The following SELP variants were observed in gnomAD, a reference collection of about 807,000 sequenced individuals.
SELP encodes the protein selectin P.
A neutral mutation model predicts 104.1 loss-of-function variants in SELP; 92 were observed. The observed-to-expected ratio is 0.88, with a 90% CI of 0.75 to 1.05. The LOEUF is 1.05. Ranked by LOEUF, SELP falls within the 50% of genes least tolerant of loss-of-function variation. The probability of loss-of-function intolerance (pLI) is 0.00; values close to 1 mark genes in which losing one functional copy is unlikely to be tolerated. For missense variants in SELP, 1,022 were observed against 1,017.3 expected (o/e 1.00, Z -0.06); for synonymous variants, 397 against 364.5 (o/e 1.09, Z -1.01).
At chr1:169,613,152 A>G (rs1662635409) in intron 4 of SELP, 38 bp from the exon 5 acceptor site, 2 of 1,525,652 alleles carry the variant, frequency 1.3e-6, no homozygotes, top group Non-Finnish European at 1.8e-6. Flanking sequence ...TTTTCCATGT[A>G]GAATTAACAG....
In SELP at chr1:169,630,062, A is replaced by T; in HGVS notation, c.3+10T>A. 1 of 1,614,146 alleles carries T rather than the reference A, an allele frequency of 6.2e-7. No individual in the cohort carries two copies. The highest frequency in any genetic ancestry group is 1.7e-5 in the Admixed American group (1 of 60,022). ...TCAACCACTTCCCATGCAGAAAAAAATAAACTCACCATCTCCTCTGTGACT... is the reference window on the plus strand; with the variant it reads ...TCAACCACTTCCCATGCAGAAAAAATTAAACTCACCATCTCCTCTGTGACT... On this transcript the variant is annotated intron_variant, in intron 1 of 16. Coordinates refer to ENST00000263686, the MANE Select transcript of SELP (RefSeq NM_003005.4).
intron 8 of SELP, among the ~76,000 whole-genome samples, chr1:169,607,782 A>G (rs1662275387): frequency 6.6e-6 from 1 of 152,178 alleles, no homozygotes; most frequent in African/African-American, 2.4e-5. Flanking sequence ...GAAAGTGCTC[A>G]ATGAACATTA....
At chr1:169,590,342 C>A in intron 15 of SELP, 140 bp from the exon 16 acceptor site, 1 of 664,982 alleles carries the variant, frequency 1.5e-6, no homozygotes, top group Non-Finnish European at 2.6e-6. Flanking sequence ...AAAATAAATG[C>A]CAAAGAAATA....
intron 10 of SELP, among the ~76,000 whole-genome samples, chr1:169,599,830 G>C (rs575420474): frequency 1.2e-3 from 177 of 152,260 alleles, no homozygotes; most frequent in Admixed American, 1.9e-3. Flanking sequence ...TGAGTAAGCA[G>C]GCACATGGCA....
intron 14 of SELP, among the ~76,000 whole-genome samples, 196 bp downstream of exon 14, chr1:169,593,409 G>A (rs999020263): frequency 1.3e-5 from 2 of 152,134 alleles, no homozygotes; most frequent in Non-Finnish European, 2.9e-5. Flanking sequence ...TATATTTTTA[G>A]GAAGTTCCCT....
At chr1:169,608,042 T>C (rs571090859) in intron 8 of SELP, among the ~76,000 whole-genome samples, 4 of 152,102 alleles carry the variant, frequency 2.6e-5, no homozygotes, top group African/African-American at 7.3e-5. Context: ...AAAGAGCTCA[T>C]TGTGTCTTTT....
Position 169,592,319 on chromosome 1 carries a change from T to C in SELP, c.2408-863A>G, listed in dbSNP as rs1661391092. The stretch of plus-strand genomic sequence containing the variant: ...CTCAATGTTTTGGTAGCATTGTAAA[T>C]GGAGAAAGAATAAGAGTAAGGAACA... On this transcript the variant is annotated intron_variant, in intron 14 of 16. Transcript: ENST00000263686. Among the ~76,000 whole-genome samples, 5 of 152,170 alleles carry C rather than the reference T, an allele frequency of 3.3e-5. No individual in the cohort carries two copies. The South Asian group carries it at 1.0e-3, about 31-fold the overall frequency.
chr1:169,624,173 C>T (rs1663264306), intron 1 of SELP, among the ~76,000 whole-genome samples: 1 of 152,170 alleles, frequency 6.6e-6, no homozygotes, highest in Non-Finnish European at 1.5e-5. Flanking sequence ...CAGTTTTCCT[C>T]TGAAACCTGC....
intron 6 of SELP, 147 bp from the exon 7 acceptor site, chr1:169,611,824 G>T: frequency 1.3e-6 from 1 of 766,676 alleles, no homozygotes; most frequent in Non-Finnish European, 2.1e-6. Flanking sequence ...GTCCAGACTT[G>T]GATTACCAGT....
chr1:169,606,831 T>C (rs762241509), intron 9 of SELP, 118 bp downstream of exon 9: 2 of 908,758 alleles, frequency 2.2e-6, no homozygotes, highest in African/African-American at 1.7e-5. Flanking sequence ...TGAGAGTATT[T>C]ATGAATTTTC....
At chr1:169,612,453 A>T (rs1348605972) in intron 5 of SELP, 51 bp from the exon 6 acceptor site, 2 of 1,586,198 alleles carry the variant, frequency 1.3e-6, no homozygotes, top group Admixed American at 1.7e-5. Context: ...AATTTTGTCC[A>T]TCACCTTGGA....
At chr1:169,626,832 C>A (rs1283173998) in intron 1 of SELP, among the ~76,000 whole-genome samples, 4 of 152,094 alleles carry the variant, frequency 2.6e-5, no homozygotes, top group African/African-American at 9.7e-5. Flanking sequence ...GTAACTGGGA[C>A]TACAGGCATG....
chr1:169,607,249 A>G, intron 8 of SELP, 115 bp from the exon 9 acceptor site: 1 of 767,480 alleles, frequency 1.3e-6, no homozygotes. Context: ...GGGCTTGTTT[A>G]ACATAGAAGA....
intron 5 of SELP, 130 bp from the exon 6 acceptor site, chr1:169,612,532 A>C (rs949669159): frequency 5.1e-6 from 4 of 788,886 alleles, no homozygotes; most frequent in South Asian, 1.7e-5. Context: ...AGAATGGTTA[A>C]ATGGTGTTTT....
chr1:169,594,858 T>C lies in SELP; in HGVS notation c.2121A>G (p.Leu707=), dbSNP rs1661524865. The change falls in exon 13 of 17, where the codon CTA becomes CTG. Residue 707 remains leucine (L), a synonymous_variant. Coordinates refer to ENST00000263686, the MANE Select transcript of SELP (RefSeq NM_003005.4). ...PACRAVKCSE[L]HVNKPIAMNC... ...TCATCGCTATTGGCTTATTAACATG[T>C]AGTTCTGAGCATTTCACAGCTGCAG... 1.2e-6 allele frequency: 2 copies of C among 1,613,316 alleles called. No homozygotes were observed. The highest frequency in any genetic ancestry group is 1.3e-5 in the African/African-American group (1 of 74,898).
intron 7 of SELP, among the ~76,000 whole-genome samples, chr1:169,610,310 G>A (rs185576792): frequency 2.3e-3 from 357 of 152,260 alleles, no homozygotes; most frequent in Admixed American, 4.2e-3. Context: ...TGCCAAGTGA[G>A]TGCAGCCAAA....
intron 8 of SELP, among the ~76,000 whole-genome samples, chr1:169,608,374 C>T (rs937263020): frequency 2.6e-5 from 4 of 152,036 alleles, no homozygotes; most frequent in African/African-American, 4.8e-5. Flanking sequence ...TTCCCTCTTC[C>T]GCCGAGCCCT....
chr1:169,619,636 A>G (rs1484011337), intron 1 of SELP, among the ~76,000 whole-genome samples: 1 of 152,236 alleles, frequency 6.6e-6, no homozygotes, highest in African/African-American at 2.4e-5. Context: ...ACCCACACAA[A>G]TAATGTCTAA....
At chr1:169,616,796 G>A (rs1363466908) in intron 3 of SELP, among the ~76,000 whole-genome samples, 2 of 152,166 alleles carry the variant, frequency 1.3e-5, no homozygotes, top group African/African-American at 4.8e-5. Context: ...AGATGAGACA[G>A]GTGAGCTGGA....
Sources: gnomAD v4.1 joint callset for allele counts (sites outside exome capture counted in the v4.1 genomes callset) on GRCh38, gnomAD v4.1.1 for gene constraint, MANE v1.5 for transcripts, NCBI Gene and HGNC (gene_info 2026-07-23, HGNC 2026-07-21) for gene names.